CECR2: variants seen among roughly 807,000 people sequenced by gnomAD.
CECR2 encodes the protein CECR2 histone acetyl-lysine reader, also known as chromatin remodeling regulator CECR2.
CECR2 carries 30 observed loss-of-function variants against 154.5 expected under a neutral mutation model. That is an observed-to-expected ratio of 0.19 (90% confidence interval 0.15 to 0.26). The LOEUF (loss-of-function observed/expected upper bound fraction) is 0.26, where lower values mean the gene tolerates loss of function less well. Among genes scored for constraint, CECR2 ranks in the 10% least tolerant of loss-of-function variants. The pLI is 1.00. For synonymous variants in CECR2, 725 were observed against 683.7 expected (o/e 1.06, Z -0.94); for missense variants, 1,743 against 1,829.3 (o/e 0.95, Z 0.86).
At chr22:17,390,849 TTAATC>T (rs1468213859) in intron 1 of CECR2, among the ~76,000 whole-genome samples, 1 of 152,180 alleles carries the variant, frequency 6.6e-6, no homozygotes, top group South Asian at 2.1e-4. Context: ...ACTTTGAAAA[TTAATC>T]TAAAGGAGAT....
intron 1 of CECR2, among the ~76,000 whole-genome samples, chr22:17,385,697 T>A (rs959614670): frequency 6.6e-6 from 1 of 152,204 alleles, no homozygotes; most frequent in Non-Finnish European, 1.5e-5. Flanking sequence ...CACATACTGT[T>A]GGAAAAATGG....
chr22:17,549,341 C>G lies in CECR2; in HGVS notation c.4054C>G (p.Gln1352Glu). The G allele has an allele frequency of 6.2e-7, 1 of 1,613,984 alleles. No homozygotes were observed. The change falls in exon 17 of 19, where the codon CAG becomes GAG. Residue 1352 changes from glutamine to glutamate, a missense_variant. By Grantham distance (29) the Gln-to-Glu change is conservative. Transcript: ENST00000262608. ...MLQTGPPYTP[Q>E]RPASHFQPRA... Reference sequence around the variant, plus strand: ...GCAGACGGGGCCTCCCTATACCCCTCAGCGGCCGGCCAGTCACTTTCAGCC... The same window carrying G: ...GCAGACGGGGCCTCCCTATACCCCTGAGCGGCCGGCCAGTCACTTTCAGCC...
At chr22:17,425,370 T>A (rs2054314621) in intron 1 of CECR2, among the ~76,000 whole-genome samples, 1 of 152,180 alleles carries the variant, frequency 6.6e-6, no homozygotes, top group Non-Finnish European at 1.5e-5. Flanking sequence ...CTGGACCTAT[T>A]TGGTCCTGGT....
At chr22:17,470,930 T>C (rs2055116665) in intron 1 of CECR2, among the ~76,000 whole-genome samples, 1 of 152,166 alleles carries the variant, frequency 6.6e-6, no homozygotes, top group African/African-American at 2.4e-5. Context: ...TTAACACAAT[T>C]TCCAACTAAT....
intron 1 of CECR2, among the ~76,000 whole-genome samples, chr22:17,449,719 G>A (rs970271893): frequency 4.0e-5 from 6 of 151,858 alleles, no homozygotes; most frequent in Non-Finnish European, 8.8e-5. Context: ...TCGATCTCCT[G>A]ACCTCGTGAT....
chr22:17,516,289 GTGTATACATTTTATA>G (rs1423749895), intron 8 of CECR2, among the ~76,000 whole-genome samples: 9 of 151,532 alleles, frequency 5.9e-5, no homozygotes, highest in Non-Finnish European at 1.2e-4. Context: ...TATATTATAT[GTGTATACATTTTATA>G]TGTATATATA....
At chr22:17,542,085 C>G in intron 15 of CECR2, 72 bp from the exon 16 acceptor site, 1 of 1,572,576 alleles carries the variant, frequency 6.4e-7, no homozygotes, top group Non-Finnish European at 8.6e-7. Context: ...AGTCTGTTCC[C>G]ATAGAGAAGC....
chr22:17,423,886 C>T (rs977833180), intron 1 of CECR2, among the ~76,000 whole-genome samples: 2 of 152,186 alleles, frequency 1.3e-5, no homozygotes, highest in African/African-American at 2.4e-5. Context: ...CTTGTTAAGT[C>T]GGACTTCCAA....
intron 1 of CECR2, among the ~76,000 whole-genome samples, chr22:17,438,009 G>T (rs769639362): frequency 1.3e-5 from 2 of 152,066 alleles, no homozygotes; most frequent in Non-Finnish European, 2.9e-5. Context: ...TGTGATCTAG[G>T]AATATTTCCT....
In CECR2 at chr22:17,553,179, C is replaced by T; in HGVS notation, c.*339C>T. ...CTTTAAACTTGGGGGAGGGGGTATACTCAAGAATGGAGTGGTGCTTTTAAA... is the reference window on the plus strand; with the variant it reads ...CTTTAAACTTGGGGGAGGGGGTATATTCAAGAATGGAGTGGTGCTTTTAAA... On this transcript the variant is annotated 3_prime_UTR_variant, in exon 19 of 19. Transcript: ENST00000262608. 1 of 251,044 alleles carries T rather than the reference C, an allele frequency of 4.0e-6. No individual in the cohort carries two copies. Among genetic ancestry groups the T allele is most frequent in the Non-Finnish European group, 7.4e-6 (1 of 134,352 alleles). 15.6% of individuals were successfully genotyped at this position (251,044 alleles called of 1,614,324 possible).
rs754271465 is a variant in CECR2 at position 17,548,880 on chromosome 22, A to G, written c.3593A>G (p.Gln1198Arg). The G allele has an allele frequency of 6.2e-7, 1 of 1,613,018 alleles. No homozygotes were observed. Among genetic ancestry groups the G allele is most frequent in the Non-Finnish European group, 8.5e-7 (1 of 1,179,388 alleles). The stretch of plus-strand genomic sequence containing the variant: ...CCACAGCCTTCCTACCACCACTATC[A>G]GCGAACTCCTTACTATGCCTGTCCA... ...PPPQPSYHHY[Q>R]RTPYYACPQS... Residue 1198 changes from glutamine (Q) to arginine (R), a missense_variant, in exon 17 of 19, where the codon CAG (glutamine) becomes CGG (arginine). By Grantham distance (43) the Gln-to-Arg change is conservative. Around this residue, in one of 4 missense-constraint regions of CECR2, gnomAD observed 1,250 missense variants for 1,192.1 expected, o/e 1.05. Coordinates refer to ENST00000262608, the MANE Select transcript of CECR2 (RefSeq NM_001290047.2).
chr22:17,462,758 C>A (rs765863257), intron 1 of CECR2, among the ~76,000 whole-genome samples: 6 of 151,954 alleles, frequency 3.9e-5, no homozygotes, highest in African/African-American at 7.2e-5. Context: ...TACTAAAAAT[C>A]AAAAATCAGC....
At chr22:17,510,892 ACC>A (rs1033232476) in intron 7 of CECR2, among the ~76,000 whole-genome samples, 1 of 152,168 alleles carries the variant, frequency 6.6e-6, no homozygotes, top group East Asian at 1.9e-4. Flanking sequence ...GGCGTGAGCC[ACC>A]CCACCCAGCC....
At chr22:17,524,077 T>G in intron 8 of CECR2, 41 bp from the exon 9 acceptor site, 3 of 1,453,102 alleles carry the variant, frequency 2.1e-6, no homozygotes, top group Non-Finnish European at 2.8e-6. Flanking sequence ...TTATCTTGCA[T>G]GATTGTGTAC....
chr22:17,540,651 C>A lies in CECR2; in HGVS notation c.1735C>A (p.Pro579Thr). The part of the protein sequence containing the change: ...PMENGGKSLP[P>T]TRRAPSSGDD... The stretch of plus-strand genomic sequence containing the variant: ...GGAGAATGGAGGAAAGTCGTTGCCC[C>A]CCACACGCCGAGCGCCCTCTTCTGG... The change falls in exon 14 of 19, where the codon CCC (proline) becomes ACC (threonine). Residue 579 changes from proline to threonine, a missense_variant. Transcript: ENST00000262608. 1 of 1,613,898 alleles carries A rather than the reference C, an allele frequency of 6.2e-7. No homozygotes were observed. Among genetic ancestry groups the A allele is most frequent in the Non-Finnish European group, 8.5e-7 (1 of 1,179,858 alleles).
intron 1 of CECR2, among the ~76,000 whole-genome samples, chr22:17,438,247 A>G (rs552318423): frequency 6.6e-6 from 1 of 152,344 alleles, no homozygotes; most frequent in East Asian, 1.9e-4. Flanking sequence ...CAACCTGAAC[A>G]GGGCTTATCT....
intron 1 of CECR2, among the ~76,000 whole-genome samples, chr22:17,383,430 G>A (rs1187851243): frequency 6.6e-6 from 1 of 152,048 alleles, no homozygotes; most frequent in East Asian, 1.9e-4. Context: ...TTATCAGCTT[G>A]GTTTAGAATA....
rs1052692291 is a variant in CECR2 at position 17,531,086 on chromosome 22, G to A, written c.1109-6017G>A. ...AGAATGAGATGAAGCCGGCCATGACGAAAGAAGTAACTTGTAGTTAATCAG... is the reference window on the plus strand; with the variant it reads ...AGAATGAGATGAAGCCGGCCATGACAAAAGAAGTAACTTGTAGTTAATCAG... On this transcript the variant is annotated intron_variant, in intron 9 of 18. Transcript: ENST00000262608. 4.6e-5 allele frequency among the ~76,000 whole-genome samples: 7 copies of A among 152,150 alleles called. No homozygotes were observed. The East Asian group carries it at 9.6e-4, about 21-fold the overall frequency.
At chr22:17,418,668 G>C (rs1327099414) in intron 1 of CECR2, 1 of 364,962 alleles carries the variant, frequency 2.7e-6, no homozygotes, top group Non-Finnish European at 4.4e-6. Context: ...ACTCGCGAGG[G>C]GCAGCTCCTC....
Sources: gnomAD v4.1 joint callset for allele counts (sites outside exome capture counted in the v4.1 genomes callset) on GRCh38, gnomAD v4.1.1 for gene constraint, gnomAD v4.1.1 regional missense constraint, MANE v1.5 for transcripts, NCBI Gene and HGNC (gene_info 2026-07-23, HGNC 2026-07-21) for gene names.